ASIC2: variants seen among roughly 807,000 people sequenced by gnomAD.
The protein encoded by ASIC2 is acid-sensing ion channel 2.
ASIC2 carries 25 observed loss-of-function variants against 57.3 expected under a neutral mutation model. The observed-to-expected ratio is 0.44, with a 90% CI of 0.32 to 0.61. The LOEUF is 0.61. Among genes scored for constraint, ASIC2 ranks in the 20% least tolerant of loss-of-function variants. The probability of loss-of-function intolerance (pLI) is 0.06; values close to 1 mark genes in which losing one functional copy is unlikely to be tolerated. For synonymous variants in ASIC2, 319 were observed against 307.5 expected, an observed-to-expected ratio of 1.04 and a Z score of -0.39; for missense variants, 641 against 738.1, an observed-to-expected ratio of 0.87 and a Z score of 1.52.
At chr17:33,512,377 T>C (rs1914453952) in intron 1 of ASIC2, among the ~76,000 whole-genome samples, 2 of 152,334 alleles carry the variant, frequency 1.3e-5, no homozygotes, top group African/African-American at 4.8e-5. Flanking sequence ...CCAAGGCTAG[T>C]TGGTCATAGC....
At chr17:33,543,509 G>A (rs1659602955) in intron 1 of ASIC2, among the ~76,000 whole-genome samples, 1 of 152,104 alleles carries the variant, frequency 6.6e-6, no homozygotes, top group Admixed American at 6.6e-5. Flanking sequence ...TTTCAACATA[G>A]TTTTGACCAG....
At chr17:33,841,818 C>T (rs1913446545) in intron 1 of ASIC2, among the ~76,000 whole-genome samples, 1 of 152,142 alleles carries the variant, frequency 6.6e-6, no homozygotes, top group Non-Finnish European at 1.5e-5. Context: ...GCACCAGGTT[C>T]AAGAGGCCGG....
At chr17:33,489,334 C>T (rs1468752116) in intron 1 of ASIC2, among the ~76,000 whole-genome samples, 1 of 152,192 alleles carries the variant, frequency 6.6e-6, no homozygotes, top group Non-Finnish European at 1.5e-5. Context: ...ATTATATAAC[C>T]AGGAACCTGA....
At chr17:34,043,580 CAATTCTGCA>C (rs1908220366) in intron 1 of ASIC2, among the ~76,000 whole-genome samples, 2 of 152,214 alleles carry the variant, frequency 1.3e-5, no homozygotes, top group African/African-American at 4.8e-5. Flanking sequence ...TGCATGGTCA[CAATTCTGCA>C]AGGATAAGAA....
chr17:33,292,195 A>AGCAGCAGCAGCG lies in ASIC2; in HGVS notation c.-92_-81dup. On this transcript the variant is annotated 5_prime_UTR_variant, in exon 1 of 10. Coordinates refer to ENST00000225823, the MANE Select transcript of ASIC2 (RefSeq NM_183377.2). ...CATGGGAGTCCGCAGCAGCAGTGGAAGCAGCAGCAGCGGCAGCCGCGCGCA... is the reference window on the plus strand; with the variant it reads ...CATGGGAGTCCGCAGCAGCAGTGGAAGCAGCAGCAGCGGCAGCAGCAGCGGCAGCCGCGCGCA... 1.3e-5 allele frequency: 13 copies of AGCAGCAGCAGCG among 1,007,062 alleles called. No individual in the cohort carries two copies. Among genetic ancestry groups the AGCAGCAGCAGCG allele is most frequent in the Non-Finnish European group, 1.5e-5 (13 of 846,344 alleles). The allele number at this position is 1,007,062 out of a possible 1,614,324, so 62.4% of individuals were successfully genotyped here.
chr17:33,393,801 A>G (rs916832359), intron 1 of ASIC2, among the ~76,000 whole-genome samples: 4 of 152,200 alleles, frequency 2.6e-5, no homozygotes, highest in African/African-American at 9.6e-5. Flanking sequence ...CTCATCATCC[A>G]TGATGTCTAA....
intron 1 of ASIC2, among the ~76,000 whole-genome samples, chr17:33,202,835 C>G (rs1198184152): frequency 6.6e-6 from 1 of 152,154 alleles, no homozygotes; most frequent in Non-Finnish European, 1.5e-5. Context: ...TGGCCTCTCT[C>G]TACCCTGGGG....
At chr17:33,939,122 A>G (rs1218776992) in intron 1 of ASIC2, among the ~76,000 whole-genome samples, 1 of 152,206 alleles carries the variant, frequency 6.6e-6, no homozygotes, top group Non-Finnish European at 1.5e-5. Flanking sequence ...CTGCCCAGAC[A>G]TGGGATGGGA....
intron 1 of ASIC2, among the ~76,000 whole-genome samples, chr17:33,932,265 T>TG (rs1915948003): frequency 2.6e-5 from 4 of 152,348 alleles, no homozygotes; most frequent in Admixed American, 2.0e-4. Flanking sequence ...GAAACATGGC[T>TG]GGTCTAAACT....
At chr17:33,801,653 A>G (rs867705199) in intron 1 of ASIC2, among the ~76,000 whole-genome samples, 6 of 152,222 alleles carry the variant, frequency 3.9e-5, no homozygotes, top group Middle Eastern at 3.2e-3. Context: ...GACGCTTAGC[A>G]TAGTGTCTCA....
intron 1 of ASIC2, among the ~76,000 whole-genome samples, chr17:33,785,245 A>G (rs974771658): frequency 5.3e-5 from 8 of 152,162 alleles, no homozygotes; most frequent in Non-Finnish European, 1.0e-4. Flanking sequence ...CAAGCCAAGA[A>G]GAGAGGCCCC....
chr17:34,089,268 C>T (rs1398621905), intron 1 of ASIC2, among the ~76,000 whole-genome samples: 1 of 152,206 alleles, frequency 6.6e-6, no homozygotes, highest in Admixed American at 6.5e-5. Flanking sequence ...ACAGTGTTAA[C>T]AAGGGTAGAT....
rs542334289 is a variant in ASIC2, at chr17:33,999,299, TA to T, written c.555+156678del. Among the ~76,000 whole-genome samples the T allele has an allele frequency of 2.5e-3, 386 of 152,174 alleles. 1 individual carries two copies. Among genetic ancestry groups the T allele is most frequent in the African/African-American group, 8.8e-3 (366 of 41,516 alleles). On this transcript the variant is annotated intron_variant, in intron 1 of 9. Transcript: ENST00000359872. ...TGTAGGCAGCATATAGTTGGGTCTTTAAAAAAAATCCATTTAGTCACTGTAT... is the reference window on the plus strand; with the variant it reads ...TGTAGGCAGCATATAGTTGGGTCTTTAAAAAAATCCATTTAGTCACTGTAT...
intron 1 of ASIC2, among the ~76,000 whole-genome samples, chr17:33,944,934 G>A (rs142319334): frequency 2.0e-3 from 297 of 152,256 alleles, no homozygotes; most frequent in African/African-American, 6.8e-3. Flanking sequence ...TCCTGAAGCT[G>A]AACATTGGTT....
intron 1 of ASIC2, among the ~76,000 whole-genome samples, chr17:33,231,727 T>C (rs1025280642): frequency 9.2e-5 from 14 of 152,088 alleles, no homozygotes; most frequent in Admixed American, 8.5e-4. Flanking sequence ...GAAATAGGCC[T>C]GGGCAGAGGA....
intron 3 of ASIC2, among the ~76,000 whole-genome samples, chr17:33,077,543 G>T (rs941751184): frequency 1.3e-5 from 2 of 152,070 alleles, no homozygotes; most frequent in African/African-American, 2.4e-5. Flanking sequence ...ACTCAAAGAG[G>T]GAGAGAGAGA....
intron 1 of ASIC2, among the ~76,000 whole-genome samples, chr17:33,591,267 T>C (rs1302522416): frequency 2.6e-5 from 4 of 152,226 alleles, no homozygotes; most frequent in Non-Finnish European, 4.4e-5. Flanking sequence ...AGATTCGGAA[T>C]TGTGTGACAC....
At position 33,037,348 on chromosome 17, in the gene ASIC2, G is replaced by T. The variant is rs555042515; in HGVS notation, c.988-8956C>A. ...AATGAATGTAGCTGGTGAAGCTCTG[G>T]AGATGGGCCAAGGTTTGTTCAGGGT... On this transcript the variant is annotated intron_variant, in intron 3 of 9. Transcript: ENST00000225823. 2.0e-5 allele frequency among the ~76,000 whole-genome samples: 3 copies of T among 151,238 alleles called. No homozygotes were observed. The South Asian group carries it at 6.3e-4, about 32-fold the overall frequency.
intron 1 of ASIC2, among the ~76,000 whole-genome samples, chr17:33,836,763 G>A (rs761288838): frequency 6.6e-6 from 1 of 152,144 alleles, no homozygotes; most frequent in Non-Finnish European, 1.5e-5. Flanking sequence ...TGAGGCAGGA[G>A]AGTCGCTTGA....
Sources: gnomAD v4.1 joint callset for allele counts (sites outside exome capture counted in the v4.1 genomes callset) on GRCh38, gnomAD v4.1.1 for gene constraint, MANE v1.5 for transcripts, NCBI Gene and HGNC (gene_info 2026-07-23, HGNC 2026-07-21) for gene names.